The following GALNT14 variants were observed in gnomAD, a reference collection of about 807,000 sequenced individuals.
GALNT14 encodes UDP-GalNAc:polypeptide N-acetylgalactosaminyltransferase 14.
Under a neutral mutation model 77.5 loss-of-function variants are expected in GALNT14, and 60 were observed. The ratio of observed to expected loss-of-function variants is 0.77; its 90% CI spans 0.63 to 0.96. The LOEUF is 0.96. GALNT14 is among the 40% of genes least tolerant of loss of function. GALNT14 has a pLI of 0.00. For synonymous variants in GALNT14, 280 were observed against 281.7 expected, an observed-to-expected ratio of 0.99 and a Z score of 0.06; for missense variants, 710 against 731.0, an observed-to-expected ratio of 0.97 and a Z score of 0.33.
At chr2:31,018,543 C>T (rs965703492) in intron 1 of GALNT14, among the ~76,000 whole-genome samples, 5 of 152,178 alleles carry the variant, frequency 3.3e-5, no homozygotes, top group Admixed American at 2.0e-4. Flanking sequence ...GATCCAGTCA[C>T]GTCCCATCAG....
At chr2:30,905,240 C>T in the GALNT14 span, among the ~76,000 whole-genome samples, 8 of 152,060 alleles carry the variant, frequency 5.3e-5, no homozygotes, top group African/African-American at 1.7e-4. Context: ...AGAGAAGAAG[C>T]CTTCAGACGA....
intron 1 of GALNT14, among the ~76,000 whole-genome samples, chr2:31,130,783 T>TGTGTGTGTGTGTGC (rs1181788023): frequency 5.7e-4 from 68 of 118,658 alleles, no homozygotes; most frequent in African/African-American, 2.3e-3. Context: ...TGTGTGTGTG[T>TGTGTGTGTGTGTGC]GCGCGCGCAC....
chr2:31,111,873 TTTA>T (rs1677853294), intron 1 of GALNT14, among the ~76,000 whole-genome samples: 1 of 152,238 alleles, frequency 6.6e-6, no homozygotes, highest in African/African-American at 2.4e-5. Context: ...TCATATTTTA[TTTA>T]TTTTTTGATG....
chr2:31,078,936 G>A (rs1573314647), intron 1 of GALNT14: 1 of 1,289,302 alleles, frequency 7.8e-7, no homozygotes, highest in Non-Finnish European at 1.0e-6. Context: ...TGACTCACTG[G>A]ACACGACTCA....
intron 1 of GALNT14, among the ~76,000 whole-genome samples, chr2:30,994,860 A>C (rs1372662436): frequency 2.0e-5 from 3 of 152,158 alleles, no homozygotes; most frequent in African/African-American, 7.2e-5. Flanking sequence ...GGGGATTGCA[A>C]CATTGCAGAG....
Position 30,968,822 on chromosome 2 carries a change from G to A in GALNT14, c.300-2520C>T, listed in dbSNP as rs150276616. ...TACATTAGATAAGCAGTAGAAAAAG[G>A]GAAGGAGAATGCCTTGAAACAGCTC... On this transcript the variant is annotated intron_variant, in intron 2 of 14. Transcript: ENST00000349752. Among the ~76,000 whole-genome samples, 98 of 152,342 alleles carry A rather than the reference G, an allele frequency of 6.4e-4. No homozygotes were observed. In the East Asian group the frequency reaches 0.016, roughly 25 times the overall value.
intron 1 of GALNT14, among the ~76,000 whole-genome samples, chr2:31,130,783 T>TGTGCGTGC (rs1181788023): frequency 7.6e-5 from 9 of 118,682 alleles, no homozygotes; most frequent in African/African-American, 3.3e-4. Context: ...TGTGTGTGTG[T>TGTGCGTGC]GCGCGCGCAC....
chr2:30,936,904 A>G (rs1666089818), intron 9 of GALNT14, among the ~76,000 whole-genome samples: 1 of 152,204 alleles, frequency 6.6e-6, no homozygotes, highest in South Asian at 2.1e-4. Flanking sequence ...CTCTATGCAA[A>G]CAGAGCAACT....
chr2:31,004,781 T>G (rs1670566335), intron 1 of GALNT14, among the ~76,000 whole-genome samples: 1 of 152,184 alleles, frequency 6.6e-6, no homozygotes, highest in African/African-American at 2.4e-5. Flanking sequence ...AAAGCCAGGC[T>G]TCTCTCCCCT....
chr2:30,912,997 G>T (rs1476398950), intron 13 of GALNT14, among the ~76,000 whole-genome samples: 2 of 152,160 alleles, frequency 1.3e-5, no homozygotes, highest in Admixed American at 1.3e-4. Flanking sequence ...AGCTCTTTCA[G>T]GGAGCGAAGC....
At chr2:30,981,708 G>A (rs1252001508) in intron 2 of GALNT14, among the ~76,000 whole-genome samples, 1 of 152,148 alleles carries the variant, frequency 6.6e-6, no homozygotes, top group African/African-American at 2.4e-5. Context: ...TGGAAATAGC[G>A]TCCAACTTAC....
At chr2:31,023,469 C>T (rs745726601) in intron 1 of GALNT14, among the ~76,000 whole-genome samples, 1 of 152,080 alleles carries the variant, frequency 6.6e-6, no homozygotes, top group Non-Finnish European at 1.5e-5. Flanking sequence ...TTAAAATACC[C>T]TCCCTCCCCT....
intron 1 of GALNT14, among the ~76,000 whole-genome samples, chr2:30,997,498 GAACA>G (rs1442138004): frequency 6.6e-6 from 1 of 152,106 alleles, no homozygotes; most frequent in Non-Finnish European, 1.5e-5. Flanking sequence ...GGGAAAACAA[GAACA>G]AATACCCAGG....
chr2:30,928,282 G>A (rs372120777), intron 11 of GALNT14, among the ~76,000 whole-genome samples: 1 of 152,180 alleles, frequency 6.6e-6, no homozygotes, highest in African/African-American at 2.4e-5. Flanking sequence ...AACAGCCTTC[G>A]TATGATGAGT....
intron 1 of GALNT14, among the ~76,000 whole-genome samples, chr2:31,093,091 G>T (rs1357793542): frequency 6.6e-6 from 1 of 152,168 alleles, no homozygotes; most frequent in Non-Finnish European, 1.5e-5. Flanking sequence ...AGATCAGGGT[G>T]AGAATGAGAG....
At chr2:30,964,151 G>A (rs1023223378) in intron 3 of GALNT14, among the ~76,000 whole-genome samples, 1 of 152,160 alleles carries the variant, frequency 6.6e-6, no homozygotes, top group Non-Finnish European at 1.5e-5. Flanking sequence ...GGCCAGCCTG[G>A]AAAGCGAGGG....
At chr2:30,944,219 G>T (rs985110485) in intron 8 of GALNT14, among the ~76,000 whole-genome samples, 15 of 152,136 alleles carry the variant, frequency 9.9e-5, no homozygotes, top group African/African-American at 3.6e-4. Context: ...CCTCTGTGTG[G>T]TGACCACTAT....
At chr2:31,032,129 AC>A (rs2148481920) in intron 1 of GALNT14, among the ~76,000 whole-genome samples, 1 of 152,344 alleles carries the variant, frequency 6.6e-6, no homozygotes, top group Non-Finnish European at 1.5e-5. Flanking sequence ...CTTGAGGCCT[AC>A]GGTAATGAGG....
chr2:31,070,570 C>T (rs1363422253), intron 1 of GALNT14, among the ~76,000 whole-genome samples: 2 of 152,230 alleles, frequency 1.3e-5, no homozygotes, highest in South Asian at 2.1e-4. Flanking sequence ...AATTTATCGG[C>T]GTGCCCAAGG....
Sources: allele counts gnomAD v4.1 joint callset (sites outside exome capture counted in the v4.1 genomes callset), GRCh38; gene constraint gnomAD v4.1.1; transcripts MANE v1.5; gene names NCBI Gene and HGNC (gene_info 2026-07-23, HGNC 2026-07-21).